Variants in KAZN observed in about 807,000 individuals in gnomAD.
The protein encoded by KAZN is kazrin, periplakin interacting protein.
Under a neutral mutation model 87.4 loss-of-function variants are expected in KAZN, and 40 were observed. The observed-to-expected ratio is 0.46, with a 90% CI of 0.36 to 0.60. The LOEUF is 0.60. KAZN is among the 20% of genes least tolerant of loss of function. The pLI, the probability that KAZN is intolerant of heterozygous loss-of-function variation, is 0.00. For synonymous variants in KAZN, 466 were observed against 458.3 expected (o/e 1.02, Z -0.22); for missense variants, 898 against 1,073.9 (o/e 0.84, Z 2.29).
At chr1:14,846,345 G>A (rs755568800) in intron 1 of KAZN, among the ~76,000 whole-genome samples, 1 of 152,084 alleles carries the variant, frequency 6.6e-6, no homozygotes, top group Non-Finnish European at 1.5e-5. Context: ...GAGATCAAGC[G>A]ATCTAGGTAT....
chr1:14,591,249 T>A (rs1034583135), intron 2 of KAZN, among the ~76,000 whole-genome samples: 1 of 151,686 alleles, frequency 6.6e-6, no homozygotes, highest in Admixed American at 6.6e-5. Context: ...TTGAACCAGG[T>A]CTTTGGAGTG....
intron 2 of KAZN, among the ~76,000 whole-genome samples, chr1:14,465,302 G>A (rs1668061749): frequency 6.6e-6 from 1 of 150,774 alleles, no homozygotes; most frequent in East Asian, 2.0e-4. Context: ...GGGAGGCTGA[G>A]GCAGGAGAAT....
intron 2 of KAZN, among the ~76,000 whole-genome samples, chr1:14,254,623 G>A (rs1414112988): frequency 2.0e-5 from 3 of 152,016 alleles, no homozygotes; most frequent in Admixed American, 1.3e-4. Flanking sequence ...ATTATTTTAC[G>A]GCTAAGCACC....
At chr1:14,739,445 A>G (rs957873057) in intron 1 of KAZN, among the ~76,000 whole-genome samples, 3 of 151,920 alleles carry the variant, frequency 2.0e-5, no homozygotes, top group East Asian at 1.9e-4. Flanking sequence ...CCTGTGGGGG[A>G]AAATCCTCCT....
intron 1 of KAZN, among the ~76,000 whole-genome samples, chr1:14,893,216 T>C (rs1435474118): frequency 1.3e-5 from 2 of 151,874 alleles, no homozygotes; most frequent in South Asian, 4.2e-4. Context: ...AAATGCGAAA[T>C]GTAGCTGGGC....
intron 1 of KAZN, among the ~76,000 whole-genome samples, chr1:14,123,917 G>A (rs529747781): frequency 1.1e-4 from 16 of 152,194 alleles, no homozygotes; most frequent in African/African-American, 3.9e-4. Flanking sequence ...CTCCCAAGTG[G>A]CCCAGGCTTC....
At chr1:14,962,374 T>C (rs548620375) in intron 2 of KAZN, among the ~76,000 whole-genome samples, 1 of 152,324 alleles carries the variant, frequency 6.6e-6, no homozygotes, top group South Asian at 2.1e-4. Context: ...GGTGGTCTTT[T>C]GAAGCTGTAA....
intron 2 of KAZN, among the ~76,000 whole-genome samples, chr1:14,315,950 C>T (rs543366217): frequency 6.6e-6 from 1 of 151,922 alleles, no homozygotes; most frequent in South Asian, 2.1e-4. Flanking sequence ...TGGCAAATAT[C>T]ATTTAACTTT....
intron 1 of KAZN, among the ~76,000 whole-genome samples, chr1:13,962,255 G>A (rs1191531290): frequency 1.3e-5 from 2 of 152,118 alleles, no homozygotes; most frequent in Admixed American, 6.5e-5. Context: ...CAGTAGGGGG[G>A]TCGGGGCGGA....
chr1:14,328,867 G>C (rs1656641822), intron 2 of KAZN, among the ~76,000 whole-genome samples: 1 of 151,288 alleles, frequency 6.6e-6, no homozygotes, highest in South Asian at 2.1e-4. Flanking sequence ...AGTACATTGT[G>C]CAAAATATGT....
At chr1:14,112,438 G>C (rs1644520068) in intron 1 of KAZN, among the ~76,000 whole-genome samples, 3 of 77,718 alleles carry the variant, frequency 3.9e-5, no homozygotes, top group Admixed American at 1.2e-4. Context: ...ACTGTGGGTT[G>C]TCAACAGTCT....
At chr1:14,208,924 A>C (rs1646797945) in intron 2 of KAZN, among the ~76,000 whole-genome samples, 1 of 152,246 alleles carries the variant, frequency 6.6e-6, no homozygotes, top group Admixed American at 6.5e-5. Flanking sequence ...TAAGAGGTTC[A>C]TAGACATTCC....
Position 15,077,398 on chromosome 1 carries a change from G to A in KAZN, c.1222+11645G>A, listed in dbSNP as rs987176291. ...CCCTCCTGTCCTCCACTCCCTGACG[G>A]CCAGGCAGCAGGGCTCCACGCTTGT... On this transcript the variant is annotated intron_variant, in intron 8 of 14. Coordinates refer to ENST00000376030, the MANE Select transcript of KAZN (RefSeq NM_201628.3). The surrounding 1 kb of genome is among the most constrained non-coding windows in gnomAD (Gnocchi z 4.8). Among the ~76,000 whole-genome samples, 3 of 152,236 alleles carry A rather than the reference G, an allele frequency of 2.0e-5. No individual in the cohort carries two copies. The highest frequency in any genetic ancestry group is 2.0e-4 in the Admixed American group (3 of 15,294).
chr1:14,480,306 A>G (rs1349042514), intron 2 of KAZN, among the ~76,000 whole-genome samples: 1 of 152,180 alleles, frequency 6.6e-6, no homozygotes, highest in Admixed American at 6.5e-5. Context: ...AGCCAACAAC[A>G]ACAAACATTT....
chr1:14,090,988 T>A (rs1017367336), intron 1 of KAZN, among the ~76,000 whole-genome samples: 3 of 151,880 alleles, frequency 2.0e-5, no homozygotes, highest in Non-Finnish European at 2.9e-5. Flanking sequence ...GGCACATGCC[T>A]GTAATCCCAG....
Position 14,599,012 on chromosome 1 carries a change from T to G in KAZN, c.15T>G (p.Asn5Lys). The G allele has an allele frequency of 6.4e-7, 1 of 1,570,708 alleles. No individual in the cohort carries two copies. The highest frequency in any genetic ancestry group is 8.6e-7 in the Non-Finnish European group (1 of 1,162,192). MMED[N>K]KQLALRIDGA... Reference sequence around the variant, plus strand: ...AAATCCTGAGCATGATGGAAGACAATAAGCAGCTCGCGCTCCGCATCGATG... The same window carrying G: ...AAATCCTGAGCATGATGGAAGACAAGAAGCAGCTCGCGCTCCGCATCGATG... The change falls in exon 1 of 15, where the codon AAT becomes AAG. Residue 5 changes from asparagine (N) to lysine (K), a missense_variant. Asn to Lys is a moderately conservative substitution (Grantham distance 94). This residue lies in a region of KAZN where 250 missense variants were observed against 263.0 expected (regional missense o/e 0.95). Transcript: ENST00000376030. This position sits in a 1 kb window ranked among gnomAD's most constrained non-coding sequence, Gnocchi z 4.4.
At chr1:14,188,234 TGTGA>T (rs1646352327) in intron 2 of KAZN, among the ~76,000 whole-genome samples, 1 of 142,084 alleles carries the variant, frequency 7.0e-6, no homozygotes, top group Non-Finnish European at 1.6e-5. Flanking sequence ...TGTGTGTGTG[TGTGA>T]AAGAGAAGCC....
chr1:15,071,129 C>G (rs927389241), intron 8 of KAZN, among the ~76,000 whole-genome samples: 10 of 152,138 alleles, frequency 6.6e-5, no homozygotes, highest in African/African-American at 2.4e-4. Flanking sequence ...CTTAGCAGTT[C>G]GTATGTTAGA....
At chr1:14,014,703 GT>G (rs1557782957) in intron 1 of KAZN, among the ~76,000 whole-genome samples, 1 of 152,222 alleles carries the variant, frequency 6.6e-6, no homozygotes, top group African/African-American at 2.4e-5. Flanking sequence ...CAGCATAAAT[GT>G]TGGAAGGAGC....
Sources: gnomAD v4.1 joint callset for allele counts (sites outside exome capture counted in the v4.1 genomes callset) on GRCh38, gnomAD v4.1.1 for gene constraint, gnomAD v4.1.1 regional missense constraint, Gnocchi (gnomAD v3.1) non-coding constraint, MANE v1.5 for transcripts, NCBI Gene and HGNC (gene_info 2026-07-23, HGNC 2026-07-21) for gene names.